MTUS2: variants seen among roughly 807,000 people sequenced by gnomAD.
MTUS2 encodes the protein microtubule-associated tumor suppressor candidate 2.
A neutral mutation model predicts 114.1 loss-of-function variants in MTUS2; 40 were observed. The observed-to-expected ratio is 0.35, with a 90% CI of 0.27 to 0.46. The LOEUF (loss-of-function observed/expected upper bound fraction) is 0.46, where lower values mean the gene tolerates loss of function less well. Ranked by LOEUF, MTUS2 falls within the 20% of genes least tolerant of loss-of-function variation. MTUS2 has a pLI of 1.00. For synonymous variants in MTUS2, 688 were observed against 672.0 expected (o/e 1.02, Z -0.37); for missense variants, 1,679 against 1,705.4 (o/e 0.98, Z 0.27).
At chr13:29,375,023 A>T (rs1361483648) in intron 8 of MTUS2, among the ~76,000 whole-genome samples, 2 of 152,194 alleles carry the variant, frequency 1.3e-5, no homozygotes, top group African/African-American at 4.8e-5. Context: ...AAGAACTGTT[A>T]AAGAAATTGC....
intron 1 of MTUS2, among the ~76,000 whole-genome samples, chr13:28,838,551 C>T (rs1320117182): frequency 6.6e-6 from 1 of 152,170 alleles, no homozygotes; most frequent in African/African-American, 2.4e-5. Flanking sequence ...GTGGGCAGCT[C>T]TTCCCCACGC....
At chr13:29,096,068 T>C (rs1472856476) in intron 4 of MTUS2, among the ~76,000 whole-genome samples, 2 of 152,216 alleles carry the variant, frequency 1.3e-5, no homozygotes, top group African/African-American at 4.8e-5. Context: ...ATGAAACTTT[T>C]AGATAATTAT....
At chr13:28,830,010 A>AC (rs1206363116) in intron 1 of MTUS2, among the ~76,000 whole-genome samples, 2 of 151,454 alleles carry the variant, frequency 1.3e-5, no homozygotes, top group African/African-American at 2.4e-5. Context: ...CATGTACCCC[A>AC]CCCCCCAACA....
intron 15 of MTUS2, 22 bp downstream of exon 15, chr13:29,501,216 TACA>T: frequency 6.3e-7 from 1 of 1,579,666 alleles, no homozygotes; most frequent in Middle Eastern, 1.7e-4. Context: ...GGGTGTCACC[TACA>T]AAGTGACTTT....
intron 6 of MTUS2, among the ~76,000 whole-genome samples, chr13:29,305,513 A>G (rs1014056448): frequency 1.3e-5 from 2 of 152,148 alleles, no homozygotes; most frequent in Non-Finnish European, 2.9e-5. Context: ...AAATATCTCG[A>G]GGCACATAAA....
chr13:28,911,843 ATG>A lies in MTUS2; in HGVS notation c.-243+71995_-243+71996del, dbSNP rs772049808. On this transcript the variant is annotated intron_variant, in intron 2 of 15. Transcript: ENST00000612955. ...GTTCATATTCTTTGCCCACTTTTTA[ATG>A]TTTTTTTTTTTTTTTTTTGTAAATT... 8.3e-3 allele frequency among the ~76,000 whole-genome samples: 1,011 copies of A among 122,494 alleles called. 13 individuals carry two copies. Among genetic ancestry groups the A allele is most frequent in the East Asian group, 0.037 (158 of 4,296 alleles). 80.4% of individuals were successfully genotyped at this position (122,494 alleles called of 152,430 possible). A position where few individuals can be genotyped will look rare whatever the true frequency, so the allele number is the denominator to read the frequency against.
At chr13:28,927,483 T>A (rs1266284536) in intron 2 of MTUS2, among the ~76,000 whole-genome samples, 3 of 152,156 alleles carry the variant, frequency 2.0e-5, no homozygotes, top group Non-Finnish European at 4.4e-5. Flanking sequence ...AGAGGATGTC[T>A]TGAGTCCAGG....
chr13:29,500,180 CT>C (rs547649832), intron 14 of MTUS2, among the ~76,000 whole-genome samples: 7 of 152,282 alleles, frequency 4.6e-5, no homozygotes, highest in Admixed American at 4.6e-4. Flanking sequence ...TCCCAGAAAC[CT>C]TTCCAGGCAA....
chr13:28,903,243 CT>C (rs1235649705), intron 2 of MTUS2, among the ~76,000 whole-genome samples: 1 of 151,568 alleles, frequency 6.6e-6, no homozygotes, highest in Non-Finnish European at 1.5e-5. Flanking sequence ...GTTGACAGTT[CT>C]TTTCTTTCTT....
At chr13:29,006,043 TG>T (rs1885586795) in intron 2 of MTUS2, among the ~76,000 whole-genome samples, 1 of 152,236 alleles carries the variant, frequency 6.6e-6, no homozygotes, top group Non-Finnish European at 1.5e-5. Context: ...TGTAGGGATT[TG>T]GTTTCTAGAA....
At chr13:29,196,478 A>C (rs1326405362) in intron 5 of MTUS2, among the ~76,000 whole-genome samples, 1 of 152,058 alleles carries the variant, frequency 6.6e-6, no homozygotes, top group Non-Finnish European at 1.5e-5. Flanking sequence ...CATCAAATTT[A>C]CTATCTTAAC....
chr13:28,840,973 T>A (rs1875440566), intron 2 of MTUS2, among the ~76,000 whole-genome samples: 1 of 152,246 alleles, frequency 6.6e-6, no homozygotes, highest in Admixed American at 6.5e-5. Flanking sequence ...TGTGGTGATT[T>A]ATAGTATGTG....
chr13:29,020,386 A>G (rs187218307), intron 2 of MTUS2, among the ~76,000 whole-genome samples: 1 of 152,270 alleles, frequency 6.6e-6, no homozygotes, highest in African/African-American at 2.4e-5. Flanking sequence ...ATCATGTTAT[A>G]TATTCTGTGA....
At chr13:29,115,178 A>G (rs1171193486) in intron 5 of MTUS2, among the ~76,000 whole-genome samples, 2 of 151,264 alleles carry the variant, frequency 1.3e-5, no homozygotes, top group South Asian at 2.1e-4. Context: ...CATTAATGCG[A>G]TAACTGCCAT....
chr13:29,492,184 GGTGT>G (rs1243402425), intron 11 of MTUS2, among the ~76,000 whole-genome samples: 1 of 2,560 alleles, frequency 3.9e-4, no homozygotes, highest in Non-Finnish European at 9.6e-4. Context: ...GTGTGTGGTA[GGTGT>G]GTATGTGTGT....
At chr13:28,957,339 A>G (rs1045621657) in intron 2 of MTUS2, among the ~76,000 whole-genome samples, 5 of 152,172 alleles carry the variant, frequency 3.3e-5, no homozygotes, top group African/African-American at 9.7e-5. Context: ...CTTCTCTCCA[A>G]AGTTTATCAT....
At chr13:29,402,172 A>G (rs1874397328) in intron 8 of MTUS2, among the ~76,000 whole-genome samples, 1 of 152,282 alleles carries the variant, frequency 6.6e-6, no homozygotes, top group African/African-American at 2.4e-5. Context: ...TCTATATAGG[A>G]GAGTCATCTG....
intron 5 of MTUS2, among the ~76,000 whole-genome samples, chr13:29,280,299 T>A (rs1191218565): frequency 6.6e-6 from 1 of 152,250 alleles, no homozygotes; most frequent in East Asian, 1.9e-4. Context: ...TTTGCATAGA[T>A]CAAATATATT....
chr13:29,155,735 T>C (rs538738162), intron 5 of MTUS2, among the ~76,000 whole-genome samples: 2 of 152,304 alleles, frequency 1.3e-5, no homozygotes, highest in African/African-American at 4.8e-5. Context: ...AAGCAGAAGT[T>C]GAATTATATT....
Sources: allele counts gnomAD v4.1 joint callset (sites outside exome capture counted in the v4.1 genomes callset), GRCh38; gene constraint gnomAD v4.1.1; transcripts MANE v1.5; gene names NCBI Gene and HGNC (gene_info 2026-07-23, HGNC 2026-07-21).